The following RANBP17 variants were observed in gnomAD, a reference collection of about 807,000 sequenced individuals.
RANBP17 encodes ran-binding protein 17.
RANBP17 carries 158 observed loss-of-function variants against 141.2 expected under a neutral mutation model. The ratio of observed to expected loss-of-function variants is 1.12; its 90% confidence interval spans 0.98 to 1.28. RANBP17 has a LOEUF of 1.28. Ranked by LOEUF, RANBP17 falls within the 50% of genes most tolerant of loss-of-function variation. The pLI is 0.00. For missense variants in RANBP17, 1,438 were observed against 1,290.7 expected (o/e 1.11, Z -1.75); for synonymous variants, 430 against 450.0 (o/e 0.96, Z 0.56).
rs189408550 is a variant in RANBP17, at chr5:171,061,680, C to T, written c.1710+93303C>T. On this transcript the variant is annotated intron_variant, in intron 14 of 27. Transcript: ENST00000523189. ...GAGTTCTGTAGGTGTCTATTAGGTC[C>T]GCTTGGTGCAGAGCTCAGTTCAAAT... is the stretch of plus-strand genomic sequence containing the variant. 1.2e-3 allele frequency among the ~76,000 whole-genome samples: 182 copies of T among 152,174 alleles called. 2 individuals are homozygous for T. Among genetic ancestry groups the T allele is most frequent in the Middle Eastern group, 3.4e-3 (1 of 294 alleles).
At chr5:171,001,209 A>G (rs1779178715) in intron 14 of RANBP17, among the ~76,000 whole-genome samples, 1 of 152,122 alleles carries the variant, frequency 6.6e-6, no homozygotes, top group South Asian at 2.1e-4. Flanking sequence ...AACTGAAGAA[A>G]GATTTTGGGG....
chr5:170,932,699 G>A (rs1773498427), intron 12 of RANBP17, among the ~76,000 whole-genome samples: 1 of 151,980 alleles, frequency 6.6e-6, no homozygotes, highest in Non-Finnish European at 1.5e-5. Flanking sequence ...CTGTTTATAT[G>A]CTGGATTACA....
At chr5:170,894,103 C>G (rs1769895717) in intron 4 of RANBP17, among the ~76,000 whole-genome samples, 1 of 152,144 alleles carries the variant, frequency 6.6e-6, no homozygotes, top group Non-Finnish European at 1.5e-5. Context: ...GTGTTCTTAG[C>G]TCTGAGGAGA....
At chr5:170,963,331 A>G (rs1776281671) in intron 13 of RANBP17, among the ~76,000 whole-genome samples, 1 of 152,218 alleles carries the variant, frequency 6.6e-6, no homozygotes, top group Admixed American at 6.5e-5. Context: ...GATGAATCTC[A>G]GTGTATCATA....
At chr5:171,159,124 T>C (rs1412905227) in intron 14 of RANBP17, among the ~76,000 whole-genome samples, 1 of 152,190 alleles carries the variant, frequency 6.6e-6, no homozygotes, top group Non-Finnish European at 1.5e-5. Context: ...TGCAGAAATA[T>C]GAAACAATTT....
chr5:170,977,714 A>G (rs749032160), intron 14 of RANBP17, among the ~76,000 whole-genome samples: 7 of 152,138 alleles, frequency 4.6e-5, no homozygotes, highest in Non-Finnish European at 7.4e-5. Flanking sequence ...AATTGAAAAC[A>G]TTACGCTAAG....
At chr5:171,039,027 G>A (rs775666581) in intron 14 of RANBP17, among the ~76,000 whole-genome samples, 13 of 152,080 alleles carry the variant, frequency 8.5e-5, no homozygotes, top group Non-Finnish European at 1.9e-4. Flanking sequence ...GAATAGTGCT[G>A]TGATGAACAT....
At chr5:170,896,213 T>A (rs562831707) in intron 5 of RANBP17, 98 bp downstream of exon 5, 7 of 811,788 alleles carry the variant, frequency 8.6e-6, no homozygotes, top group Non-Finnish European at 1.4e-5. Flanking sequence ...GCCTTCATTT[T>A]GTGGCATAAA....
At chr5:170,920,830 C>T (rs1441652885) in intron 11 of RANBP17, among the ~76,000 whole-genome samples, 1 of 152,178 alleles carries the variant, frequency 6.6e-6, no homozygotes, top group East Asian at 1.9e-4. Flanking sequence ...TCTTAATTTG[C>T]ATTTCTCTGA....
chr5:171,048,512 G>C (rs1006776084), intron 14 of RANBP17, among the ~76,000 whole-genome samples: 19 of 151,830 alleles, frequency 1.3e-4, no homozygotes, highest in Non-Finnish European at 2.4e-4. Flanking sequence ...AGGGGTACAT[G>C]TGCAGGTTTG....
At chr5:170,957,856 C>A (rs180983364) in intron 13 of RANBP17, among the ~76,000 whole-genome samples, 3 of 152,296 alleles carry the variant, frequency 2.0e-5, no homozygotes, top group Non-Finnish European at 4.4e-5. Flanking sequence ...AAAAGCCTCT[C>A]TAAACAGAAA....
At chr5:170,963,268 G>A (rs947626556) in intron 13 of RANBP17, among the ~76,000 whole-genome samples, 1 of 152,094 alleles carries the variant, frequency 6.6e-6, no homozygotes, top group African/African-American at 2.4e-5. Context: ...AAGCAACTGG[G>A]TAGGCATCTT....
chr5:171,094,700 T>C (rs529077216), intron 14 of RANBP17, among the ~76,000 whole-genome samples: 6 of 152,352 alleles, frequency 3.9e-5, no homozygotes, highest in African/African-American at 1.4e-4. Context: ...AAAGGAATTA[T>C]GGAAGAGTTT....
intron 3 of RANBP17, among the ~76,000 whole-genome samples, chr5:170,891,194 A>G (rs894859934): frequency 8.5e-5 from 13 of 152,240 alleles, no homozygotes; most frequent in Non-Finnish European, 1.0e-4. Flanking sequence ...TCAGTGACAT[A>G]TTTAGAAAAA....
chr5:171,244,134 G>A (rs1460807253), intron 24 of RANBP17, among the ~76,000 whole-genome samples: 2 of 152,054 alleles, frequency 1.3e-5, no homozygotes, highest in Non-Finnish European at 2.9e-5. Flanking sequence ...GCTCATGCCT[G>A]TAATTCTAGC....
chr5:171,201,202 C>G (rs1173113309), intron 19 of RANBP17, among the ~76,000 whole-genome samples: 1 of 152,128 alleles, frequency 6.6e-6, no homozygotes, highest in Non-Finnish European at 1.5e-5. Context: ...TATCCCTAAA[C>G]CAGCAAGTTC....
chr5:171,089,616 G>A (rs1253452978), intron 14 of RANBP17, among the ~76,000 whole-genome samples: 2 of 152,136 alleles, frequency 1.3e-5, no homozygotes, highest in African/African-American at 2.4e-5. Context: ...GTGAGATTCC[G>A]TGGGCGTAGG....
At chr5:171,021,947 G>A (rs1406903609) in intron 14 of RANBP17, among the ~76,000 whole-genome samples, 3 of 152,082 alleles carry the variant, frequency 2.0e-5, no homozygotes, top group Middle Eastern at 3.2e-3. Flanking sequence ...CTTGAATGGG[G>A]TTTTTCTGTG....
chr5:171,171,265 T>C lies in RANBP17; in HGVS notation c.1844T>C (p.Phe615Ser). The C allele has an allele frequency of 6.3e-7, 1 of 1,594,590 alleles. No individual in the cohort carries two copies. Among genetic ancestry groups the C allele is most frequent in the Non-Finnish European group, 8.6e-7 (1 of 1,165,620 alleles). The change falls in exon 16 of 28, where the codon TTC becomes TCC. Residue 615 changes from phenylalanine (F) to serine (S), a missense_variant. Physicochemically the swap from Phe to Ser is radical, Grantham distance 155. Coordinates refer to ENST00000523189, the MANE Select transcript of RANBP17 (RefSeq NM_022897.5). ...YEPVISRTLQ[F>S]LNDLSVGYIL... ...CCTGTAATTTCAAGGACTCTTCAGTTCCTAAATGACCTTTCTGTTGGATAT... is the reference window on the plus strand; with the variant it reads ...CCTGTAATTTCAAGGACTCTTCAGTCCCTAAATGACCTTTCTGTTGGATAT...
Sources: gnomAD v4.1 joint callset for allele counts (sites outside exome capture counted in the v4.1 genomes callset) on GRCh38, gnomAD v4.1.1 for gene constraint, MANE v1.5 for transcripts, NCBI Gene and HGNC (gene_info 2026-07-23, HGNC 2026-07-21) for gene names.